NAV3: variants seen among roughly 807,000 people sequenced by gnomAD.
The protein encoded by NAV3 is pore membrane and/or filament interacting like protein 1.
NAV3 carries 87 observed loss-of-function variants against 244.7 expected under a neutral mutation model. The observed-to-expected ratio is 0.36, with a 90% CI of 0.30 to 0.42. NAV3 has a LOEUF of 0.42. NAV3 is among the 20% of genes least tolerant of loss of function. NAV3 has a pLI of 1.00. For missense variants in NAV3, 2,663 were observed against 2,893.3 expected (o/e 0.92, Z 1.83); for synonymous variants, 1,126 against 1,042.2 (o/e 1.08, Z -1.55).
intron 2 of NAV3, among the ~76,000 whole-genome samples, chr12:77,636,259 G>A (rs1872148118): frequency 6.6e-6 from 1 of 151,996 alleles, no homozygotes; most frequent in Non-Finnish European, 1.5e-5. Flanking sequence ...GAGGTCAGGA[G>A]ATCGAGACCA....
At chr12:78,177,077 G>A (rs944097992) in intron 26 of NAV3, 64 bp from the exon 27 acceptor site, 20 of 1,584,704 alleles carry the variant, frequency 1.3e-5, no homozygotes, top group South Asian at 4.5e-5. Context: ...GCAAACTAAC[G>A]CCCCAAAGCA....
intron 2 of NAV3, among the ~76,000 whole-genome samples, chr12:77,606,743 T>C (rs1870687490): frequency 6.6e-6 from 1 of 152,130 alleles, no homozygotes; most frequent in Admixed American, 6.6e-5. Context: ...TGCATTTAGT[T>C]CTTTACATCA....
At chr12:77,753,731 C>A (rs1565799354) in intron 2 of NAV3, among the ~76,000 whole-genome samples, 1 of 152,146 alleles carries the variant, frequency 6.6e-6, no homozygotes, top group East Asian at 1.9e-4. Flanking sequence ...AAATGGCACA[C>A]AAGTGGTACC....
intron 23 of NAV3, among the ~76,000 whole-genome samples, chr12:78,166,032 A>G (rs142180799): frequency 3.2e-3 from 480 of 152,034 alleles, no homozygotes; most frequent in Non-Finnish European, 4.7e-3. Context: ...GGGGAGAAAC[A>G]TCTGTTTAAC....
Position 78,119,611 on chromosome 12 carries a change from C to T in NAV3, c.3415C>T (p.Pro1139Ser), listed in dbSNP as rs879089663. 6.2e-7 allele frequency: 1 copy of T among 1,614,140 alleles called. No homozygotes were observed. Among genetic ancestry groups the T allele is most frequent in the Non-Finnish European group, 8.5e-7 (1 of 1,180,032 alleles). The change falls in exon 15 of 40, where the codon CCC becomes TCC. Residue 1139 changes from proline to serine, a missense_variant. By Grantham distance (74) the Pro-to-Ser change is moderately conservative. Around this residue, in one of 6 missense-constraint regions of NAV3, gnomAD observed 1,521 missense variants for 1,497.0 expected, o/e 1.02. Transcript: ENST00000397909. ...GACTACCCTACAATATCGCAGCTTG[C>T]CCCGCCCTTCAAAATCCAGCACCAG... Reference protein sequence around the residue: ...SKTTLQYRSLPRPSKSSTSGI... With the variant: ...SKTTLQYRSLSRPSKSSTSGI...
Position 78,188,359 on chromosome 12 carries a change from C to CA in NAV3, c.5886+17dup. 2 of 1,570,976 alleles carry CA rather than the reference C, an allele frequency of 1.3e-6. No homozygotes were observed. Among genetic ancestry groups the CA allele is most frequent in the Middle Eastern group, 1.7e-4 (1 of 5,948 alleles). Reference sequence around the variant, plus strand: ...TCTCTTTAAGGTATGTTGTGCAAGACACCCTAATAGTACTTTTCAAATATG... The same window carrying CA: ...TCTCTTTAAGGTATGTTGTGCAAGACAACCCTAATAGTACTTTTCAAATATG... On this transcript the variant is annotated intron_variant, in intron 32 of 39. Coordinates refer to ENST00000397909, the MANE Select transcript of NAV3 (RefSeq NM_001024383.2).
At position 78,007,091 on chromosome 12, in the gene NAV3, A is replaced by G. The variant is rs780974001; in HGVS notation, c.1553A>G (p.Glu518Gly). The change falls in exon 8 of 40, where the codon GAA (glutamate) becomes GGA (glycine). Residue 518 changes from glutamate to glycine, a missense_variant. By Grantham distance (98) the Glu-to-Gly change is moderately conservative. Around this residue, in one of 6 missense-constraint regions of NAV3, gnomAD observed 1,521 missense variants for 1,497.0 expected, o/e 1.02. Coordinates refer to ENST00000397909, the MANE Select transcript of NAV3 (RefSeq NM_001024383.2). ...AGCAAGACAACAGCAGCTAAGAAGG[A>G]AAGCTTAATTCCGTCTTCCAGTGGT... is the stretch of plus-strand genomic sequence containing the variant. ...KGSKTTAAKK[E>G]SLIPSSSGIP... 5.0e-6 allele frequency: 8 copies of G among 1,614,176 alleles called. No individual in the cohort carries two copies. Among genetic ancestry groups the G allele is most frequent in the East Asian group, 2.2e-5 (1 of 44,872 alleles).
intron 5 of NAV3, among the ~76,000 whole-genome samples, chr12:77,973,340 C>A (rs904911399): frequency 6.6e-6 from 1 of 151,920 alleles, no homozygotes; most frequent in African/African-American, 2.4e-5. Flanking sequence ...GGTGGCAAAA[C>A]CAGTGGTGAT....
chr12:77,844,152 C>G (rs1225957186), intron 1 of NAV3, among the ~76,000 whole-genome samples: 1 of 151,228 alleles, frequency 6.6e-6, no homozygotes, highest in Non-Finnish European at 1.5e-5. Flanking sequence ...AGTTCTGGAG[C>G]CTGGGATGTC....
At chr12:78,018,100 A>G (rs1375293660) in intron 8 of NAV3, among the ~76,000 whole-genome samples, 1 of 152,112 alleles carries the variant, frequency 6.6e-6, no homozygotes, top group Non-Finnish European at 1.5e-5. Flanking sequence ...CTATTTCCTT[A>G]TTAATGCTAA....
intron 9 of NAV3, among the ~76,000 whole-genome samples, chr12:78,028,209 C>T (rs1454085170): frequency 1.3e-5 from 2 of 152,064 alleles, no homozygotes; most frequent in Admixed American, 6.6e-5. Context: ...AGAGTGGATC[C>T]ATCAGTGTCA....
intron 16 of NAV3, among the ~76,000 whole-genome samples, 185 bp from the exon 17 acceptor site, chr12:78,126,982 A>G (rs1955936624): frequency 6.6e-6 from 1 of 152,178 alleles, no homozygotes. Context: ...TTAGAAAGGA[A>G]CTCAAATATG....
At chr12:78,160,407 G>GCC (rs1565740430) in intron 23 of NAV3, among the ~76,000 whole-genome samples, 1 of 25,456 alleles carries the variant, frequency 3.9e-5, no homozygotes, top group Non-Finnish European at 8.9e-5. Context: ...GTGCGTGCGT[G>GCC]TGTGTGTGTG....
Position 78,006,583 on chromosome 12 carries a change from A to C in NAV3, c.1045A>C (p.Thr349Pro), listed in dbSNP as rs372011261. ...ACACAGTGCCACCTCCACCATGTTG[A>C]CTGTAAAGCAGTCAAGTACAGCCAC... ...VKHSATSTML[T>P]VKQSSTATSP... is the part of the protein sequence containing the mutation. Residue 349 changes from threonine to proline, a missense_variant, in exon 8 of 40, where the codon ACT becomes CCT. Thr to Pro is a conservative substitution (Grantham distance 38, BLOSUM62 -1). Around this residue, in one of 6 missense-constraint regions of NAV3, gnomAD observed 1,521 missense variants for 1,497.0 expected, o/e 1.02. Coordinates refer to ENST00000397909, the MANE Select transcript of NAV3 (RefSeq NM_001024383.2). The C allele has an allele frequency of 6.2e-7, 1 of 1,614,032 alleles. No homozygotes were observed. Among genetic ancestry groups the C allele is most frequent in the Non-Finnish European group, 8.5e-7 (1 of 1,180,002 alleles).
chr12:77,917,921 G>T (rs904240548), intron 1 of NAV3, among the ~76,000 whole-genome samples: 1 of 151,944 alleles, frequency 6.6e-6, no homozygotes, highest in African/African-American at 2.4e-5. Flanking sequence ...GTGACCAAAA[G>T]GATCCTTATA....
intron 2 of NAV3, among the ~76,000 whole-genome samples, chr12:77,729,427 T>G (rs1877026068): frequency 6.6e-6 from 1 of 151,956 alleles, no homozygotes; most frequent in African/African-American, 2.4e-5. Context: ...ATATGTGTGT[T>G]TACTTCCTCT....
At chr12:77,813,680 G>A (rs1004954765) in intron 2 of NAV3, among the ~76,000 whole-genome samples, 2 of 152,146 alleles carry the variant, frequency 1.3e-5, no homozygotes, top group Non-Finnish European at 2.9e-5. Context: ...GAATAAATGT[G>A]TATCTAAGAA....
intron 1 of NAV3, among the ~76,000 whole-genome samples, chr12:77,879,685 CAAAAAAA>C (rs72076222): frequency 3.5e-5 from 3 of 85,068 alleles, no homozygotes; most frequent in Non-Finnish European, 6.6e-5. Flanking sequence ...AACTCCATCT[CAAAAAAA>C]AAAAAAAAAA....
At chr12:78,103,083 C>A (rs1432560174) in intron 12 of NAV3, among the ~76,000 whole-genome samples, 6 of 152,156 alleles carry the variant, frequency 3.9e-5, no homozygotes, top group Non-Finnish European at 5.9e-5. Flanking sequence ...ATGGGTTTTT[C>A]TTTTCTACTG....
Sources: gnomAD v4.1 joint callset for allele counts (sites outside exome capture counted in the v4.1 genomes callset) on GRCh38, gnomAD v4.1.1 for gene constraint, gnomAD v4.1.1 regional missense constraint, MANE v1.5 for transcripts, NCBI Gene and HGNC (gene_info 2026-07-23, HGNC 2026-07-21) for gene names.